ZFHX4: variants seen among roughly 807,000 people sequenced by gnomAD.
The protein encoded by ZFHX4 is zinc finger homeobox 4.
ZFHX4 carries 56 observed loss-of-function variants against 267.6 expected under a neutral mutation model. That is an observed-to-expected ratio of 0.21 (90% CI 0.17 to 0.26). The LOEUF (loss-of-function observed/expected upper bound fraction) is 0.26. Ranked by LOEUF, ZFHX4 falls within the 10% of genes least tolerant of loss-of-function variation. The pLI is 1.00. For synonymous variants in ZFHX4, 1,778 were observed against 1,665.6 expected (o/e 1.07, Z -1.64); for missense variants, 4,332 against 4,420.0 (o/e 0.98, Z 0.56).
At chr8:76,818,199 G>C (rs1453380441) in intron 4 of ZFHX4, among the ~76,000 whole-genome samples, 3 of 152,082 alleles carry the variant, frequency 2.0e-5, no homozygotes, top group Non-Finnish European at 4.4e-5. Context: ...GAAGGAAAAT[G>C]AAATAAGGTT....
intron 1 of ZFHX4, among the ~76,000 whole-genome samples, chr8:76,692,284 G>A (rs1398351518): frequency 1.2e-4 from 18 of 152,070 alleles, no homozygotes; most frequent in Non-Finnish European, 2.5e-4. Flanking sequence ...CAGTCTTGAA[G>A]TTGAAAGCCT....
chr8:76,852,479 C>T lies in ZFHX4; in HGVS notation c.5558C>T (p.Pro1853Leu), dbSNP rs1459559191. 1.3e-6 allele frequency: 2 copies of T among 1,587,630 alleles called. No homozygotes were observed. The highest frequency in any genetic ancestry group is 1.7e-6 in the Non-Finnish European group (2 of 1,166,472). ...SADCQIMKDV[P>L]SYKEAEDISE... ...GACTGCCAAATCATGAAGGATGTGC[C>T]ATCTTATAAGGAGGCAGAAGATATT... The change falls in exon 10 of 11, where the codon CCA becomes CTA. Residue 1853 changes from proline to leucine, a missense_variant. Coordinates refer to ENST00000651372, the MANE Select transcript of ZFHX4 (RefSeq NM_024721.5).
At chr8:76,760,760 T>G (rs1051789006) in intron 3 of ZFHX4, among the ~76,000 whole-genome samples, 29 of 151,586 alleles carry the variant, frequency 1.9e-4, no homozygotes, top group African/African-American at 6.1e-4. Flanking sequence ...AGATCTCTTC[T>G]CTACAAAAAA....
chr8:76,851,339 G>A lies in ZFHX4; in HGVS notation c.4418G>A (p.Ser1473Asn). The stretch of plus-strand genomic sequence containing the variant: ...GTGAATGGAGAACTGTGGGCAGAGA[G>A]CGAAACTATGTCCCAGGATGACCAT... ...LPVNGELWAE[S>N]ETMSQDDHGL... is the part of the protein sequence containing the mutation. Residue 1473 changes from serine to asparagine, a missense_variant, in exon 10 of 11, where the codon AGC becomes AAC. Around this residue, in one of 7 missense-constraint regions of ZFHX4, gnomAD observed 1,371 missense variants for 1,423.1 expected, o/e 0.96. Transcript: ENST00000651372. 2.5e-6 allele frequency: 4 copies of A among 1,613,802 alleles called. No individual in the cohort carries two copies. The highest frequency in any genetic ancestry group is 3.4e-6 in the Non-Finnish European group (4 of 1,179,814).
intron 1 of ZFHX4, among the ~76,000 whole-genome samples, chr8:76,682,354 G>C (rs941982054): frequency 2.0e-5 from 3 of 152,222 alleles, no homozygotes; most frequent in African/African-American, 2.4e-5. Flanking sequence ...CGGAGGCCCG[G>C]GGGTTCGTGA....
chr8:76,824,961 TA>T (rs900659080), intron 4 of ZFHX4, among the ~76,000 whole-genome samples: 4 of 152,168 alleles, frequency 2.6e-5, no homozygotes, highest in East Asian at 1.9e-4. Context: ...GGGATTTACT[TA>T]AAAAAATAAC....
intron 1 of ZFHX4, chr8:76,684,089 C>T (rs867387482): frequency 6.6e-6 from 1 of 150,734 alleles, no homozygotes; most frequent in Non-Finnish European, 1.5e-5. Flanking sequence ...AGACTAAAAA[C>T]AATTGTGTAT....
intron 5 of ZFHX4, among the ~76,000 whole-genome samples, chr8:76,838,716 C>T (rs1812154680): frequency 6.6e-6 from 1 of 152,076 alleles, no homozygotes; most frequent in African/African-American, 2.4e-5. Flanking sequence ...GCTTTCGTAG[C>T]AGACTTAGAG....
Position 76,855,902 on chromosome 8 carries a change from C to A in ZFHX4, c.8981C>A (p.Pro2994His). 1 of 1,613,844 alleles carries A rather than the reference C, an allele frequency of 6.2e-7. No individual in the cohort carries two copies. The highest frequency in any genetic ancestry group is 8.5e-7 in the Non-Finnish European group (1 of 1,179,836). Residue 2994 changes from proline (P) to histidine (H), a missense_variant, in exon 10 of 11, where the codon CCT becomes CAT. Physicochemically the swap from Pro to His is moderately conservative, Grantham distance 77 (BLOSUM62 -2). This residue lies in a region of ZFHX4 where 1,648 missense variants were observed against 1,625.0 expected (regional missense o/e 1.01). Coordinates refer to ENST00000651372, the MANE Select transcript of ZFHX4 (RefSeq NM_024721.5). The part of the protein sequence containing the change: ...EKKFKINIGK[P>H]FMINQGGTEG... ...AAATTTAAAATTAACATAGGGAAGC[C>A]TTTCATGATCAATCAAGGCGGAACG...
chr8:76,707,233 G>A (rs1359879508), intron 2 of ZFHX4, among the ~76,000 whole-genome samples: 1 of 152,170 alleles, frequency 6.6e-6, no homozygotes, highest in Non-Finnish European at 1.5e-5. Context: ...TAGTGCTTAT[G>A]TAAGTTTATC....
chr8:76,848,343 C>A (rs887416230), intron 6 of ZFHX4, among the ~76,000 whole-genome samples: 1 of 152,174 alleles, frequency 6.6e-6, no homozygotes, highest in Non-Finnish European at 1.5e-5. Context: ...AATCTGAAAT[C>A]ATTTTTAACA....
intron 3 of ZFHX4, among the ~76,000 whole-genome samples, chr8:76,772,400 C>T (rs772519615): frequency 1.3e-5 from 2 of 151,994 alleles, no homozygotes; most frequent in African/African-American, 4.8e-5. Context: ...AATACTTGAC[C>T]TCGTTAATGG....
intron 5 of ZFHX4, among the ~76,000 whole-genome samples, chr8:76,835,215 A>ATATGTATATATATATATATATATATG (rs1563548929): frequency 4.8e-5 from 5 of 104,346 alleles, no homozygotes; most frequent in Non-Finnish European, 9.1e-5. Context: ...TGGTGTATAT[A>ATATGTATATATATATATATATATATG]TATGTATATA....
At chr8:76,754,015 G>A (rs1037179856) in intron 3 of ZFHX4, among the ~76,000 whole-genome samples, 1 of 152,110 alleles carries the variant, frequency 6.6e-6, no homozygotes, top group Non-Finnish European at 1.5e-5. Flanking sequence ...TCTTGATTGT[G>A]TCTTGGAAAA....
At position 76,849,649 on chromosome 8, in the gene ZFHX4, C is replaced by G; in HGVS notation, c.3783C>G (p.Leu1261=). 1 of 1,613,926 alleles carries G rather than the reference C, an allele frequency of 6.2e-7. No homozygotes were observed. The highest frequency in any genetic ancestry group is 8.5e-7 in the Non-Finnish European group (1 of 1,179,872). ...CQDVLSNKMH[L]QLHLTHLHSV... is the part of the protein sequence containing the mutation. ...ACGTCCTCAGCAACAAAATGCATCT[C>G]CAACTGCATCTGACGCATTTGCACA... The change falls in exon 8 of 11, where the codon CTC becomes CTG. Residue 1261 remains leucine, a synonymous_variant. Coordinates refer to ENST00000651372, the MANE Select transcript of ZFHX4 (RefSeq NM_024721.5).
chr8:76,727,976 G>A (rs1384279015), intron 3 of ZFHX4, among the ~76,000 whole-genome samples: 1 of 152,130 alleles, frequency 6.6e-6, no homozygotes, highest in Non-Finnish European at 1.5e-5. Flanking sequence ...TCACTCAGCA[G>A]CATTAACCCT....
rs1408048166 is a variant in ZFHX4, at chr8:76,863,868, C to A, written c.10154C>A (p.Ser3385Tyr). 6.4e-7 allele frequency: 1 copy of A among 1,559,972 alleles called. No homozygotes were observed. Among genetic ancestry groups the A allele is most frequent in the African/African-American group, 1.4e-5 (1 of 73,682 alleles). The stretch of plus-strand genomic sequence containing the variant: ...ACAAAAGAAGAACCCCAGTTAGAAT[C>A]CAAAAGTGCAGACTTTTCAGACACT... Reference protein sequence around the residue: ...ESTKEEPQLESKSADFSDTYV... With the variant: ...ESTKEEPQLEYKSADFSDTYV... Residue 3385 changes from serine (S) to tyrosine (Y), a missense_variant, in exon 11 of 11, where the codon TCC becomes TAC. Around this residue, in one of 7 missense-constraint regions of ZFHX4, gnomAD observed 1,648 missense variants for 1,625.0 expected, o/e 1.01. Coordinates refer to ENST00000651372, the MANE Select transcript of ZFHX4 (RefSeq NM_024721.5).
intron 1 of ZFHX4, among the ~76,000 whole-genome samples, chr8:76,690,252 G>A (rs10097621): frequency 6.6e-6 from 1 of 151,986 alleles, no homozygotes; most frequent in Non-Finnish European, 1.5e-5. Context: ...TTGACTTTCA[G>A]GTTAAAATAT....
chr8:76,715,148 A>G (rs1265708688), intron 3 of ZFHX4, among the ~76,000 whole-genome samples: 3 of 152,180 alleles, frequency 2.0e-5, no homozygotes, highest in African/African-American at 7.2e-5. Flanking sequence ...TTCAAACATG[A>G]GGATGTTGCT....
Sources: allele counts gnomAD v4.1 joint callset (sites outside exome capture counted in the v4.1 genomes callset), GRCh38; gene constraint gnomAD v4.1.1; regional missense constraint gnomAD v4.1.1; transcripts MANE v1.5; gene names NCBI Gene and HGNC (gene_info 2026-07-23, HGNC 2026-07-21).